The following COP1 variants were observed in gnomAD, a reference collection of about 807,000 sequenced individuals.
COP1 encodes the protein E3 ubiquitin-protein ligase COP1.
Under a neutral mutation model 101.3 loss-of-function variants are expected in COP1, and 24 were observed. The observed-to-expected ratio is 0.24, with a 90% CI of 0.17 to 0.33. COP1 has a LOEUF of 0.33. Among genes scored for constraint, COP1 ranks in the 10% least tolerant of loss-of-function variants. The probability of loss-of-function intolerance (pLI) is 1.00; values close to 1 mark genes in which losing one functional copy is unlikely to be tolerated. For missense variants in COP1, 663 were observed against 906.2 expected, an observed-to-expected ratio of 0.73 and a Z score of 3.45; for synonymous variants, 347 against 341.9, an observed-to-expected ratio of 1.01 and a Z score of -0.17.
chr1:175,953,764 TAAAAA>T (rs58137281), intron 18 of COP1, among the ~76,000 whole-genome samples: 12 of 125,136 alleles, frequency 9.6e-5, no homozygotes, highest in Admixed American at 1.6e-4. Flanking sequence ...GGTCAACTTA[TAAAAA>T]AAAAAAAAAA....
In COP1 at chr1:176,040,613, G is replaced by T. The variant is rs373324066; in HGVS notation, c.1612+2573C>A. Among the ~76,000 whole-genome samples the T allele has an allele frequency of 1.9e-3, 286 of 152,194 alleles. 1 individual carries two copies. Among genetic ancestry groups the T allele is most frequent in the Middle Eastern group, 0.017 (5 of 294 alleles). On this transcript the variant is annotated intron_variant, in intron 14 of 19. Coordinates refer to ENST00000367669, the MANE Select transcript of COP1 (RefSeq NM_022457.7). ...GTGTGAGTCACCATGCCTGGCTGAC[G>T]AGTTCTTAAATCAAGGAAAAAAGGT...
intron 18 of COP1, among the ~76,000 whole-genome samples, chr1:175,961,260 T>A (rs1181801382): frequency 6.6e-6 from 1 of 152,224 alleles, no homozygotes; most frequent in African/African-American, 2.4e-5. Flanking sequence ...CTATTACTTC[T>A]GTCCCTTTGG....
chr1:176,173,766 T>C (rs906310514), intron 3 of COP1, among the ~76,000 whole-genome samples: 1 of 151,436 alleles, frequency 6.6e-6, no homozygotes, highest in Non-Finnish European at 1.5e-5. Flanking sequence ...GGCGGGAGGA[T>C]CGCTTGAGTC....
intron 15 of COP1, among the ~76,000 whole-genome samples, chr1:176,026,260 G>A (rs909221219): frequency 1.3e-5 from 2 of 151,942 alleles, no homozygotes; most frequent in Non-Finnish European, 2.9e-5. Flanking sequence ...ATCCATAAAT[G>A]ATGGCCAGTA....
chr1:176,126,017 G>A (rs902435849), intron 8 of COP1, among the ~76,000 whole-genome samples: 14 of 151,960 alleles, frequency 9.2e-5, no homozygotes, highest in Middle Eastern at 6.8e-3. Flanking sequence ...TTTTCACATC[G>A]TTCACTGCTG....
At chr1:176,006,324 C>A (rs539473161) in intron 15 of COP1, among the ~76,000 whole-genome samples, 6 of 152,224 alleles carry the variant, frequency 3.9e-5, no homozygotes, top group Admixed American at 2.0e-4. Flanking sequence ...TGTGTCTTTT[C>A]ATTGGAGCAT....
At chr1:176,156,351 C>A (rs1693447409) in intron 5 of COP1, among the ~76,000 whole-genome samples, 1 of 151,618 alleles carries the variant, frequency 6.6e-6, no homozygotes, top group South Asian at 2.1e-4. Flanking sequence ...CCAATGATGT[C>A]TAAAGGAGGC....
intron 8 of COP1, among the ~76,000 whole-genome samples, chr1:176,124,425 C>CT (rs1687689178): frequency 7.4e-6 from 1 of 135,970 alleles, no homozygotes; most frequent in Non-Finnish European, 1.6e-5. Context: ...CAGCCCCGTA[C>CT]TACCCCTTTC....
chr1:175,985,930 T>G (rs1055821486), intron 18 of COP1, among the ~76,000 whole-genome samples: 2 of 152,112 alleles, frequency 1.3e-5, no homozygotes, highest in African/African-American at 4.8e-5. Context: ...AAGTCAGAAT[T>G]TTTTTTGTCA....
intron 11 of COP1, 126 bp downstream of exon 11, chr1:176,081,026 A>G (rs1679034307): frequency 1.2e-5 from 10 of 827,860 alleles, no homozygotes; most frequent in Non-Finnish European, 1.9e-5. Flanking sequence ...CTAAAATCAC[A>G]GAACTAATAA....
At chr1:175,983,383 C>G (rs769162430) in intron 18 of COP1, among the ~76,000 whole-genome samples, 2 of 152,202 alleles carry the variant, frequency 1.3e-5, no homozygotes, top group Non-Finnish European at 2.9e-5. Context: ...ATTCCCTGTA[C>G]AAGTTTTCTT....
intron 8 of COP1, among the ~76,000 whole-genome samples, chr1:176,123,256 T>C (rs1687442520): frequency 6.6e-6 from 1 of 152,088 alleles, no homozygotes; most frequent in South Asian, 2.1e-4. Flanking sequence ...GGTTCAGGGA[T>C]GTGGTGAATG....
chr1:176,147,961 G>A (rs967871742), intron 6 of COP1, among the ~76,000 whole-genome samples: 3 of 151,916 alleles, frequency 2.0e-5, no homozygotes, highest in Non-Finnish European at 4.4e-5. Flanking sequence ...GTGCAGTGGC[G>A]CGATCTCGGC....
At chr1:176,058,203 C>T (rs1338254263) in intron 11 of COP1, among the ~76,000 whole-genome samples, 1 of 150,622 alleles carries the variant, frequency 6.6e-6, no homozygotes, top group Non-Finnish European at 1.5e-5. Context: ...TCAGCCCCTG[C>T]CCAGCCGCCC....
At chr1:176,066,125 T>C (rs146520274) in intron 11 of COP1, among the ~76,000 whole-genome samples, 3 of 152,288 alleles carry the variant, frequency 2.0e-5, no homozygotes, top group African/African-American at 7.2e-5. Flanking sequence ...AGTTTCCCCA[T>C]ATATGTGTTG....
intron 15 of COP1, among the ~76,000 whole-genome samples, chr1:176,013,210 C>T (rs909605001): frequency 2.0e-5 from 3 of 151,568 alleles, no homozygotes; most frequent in Admixed American, 2.0e-4. Flanking sequence ...GTTTTTGATC[C>T]AAGGTTGGCT....
intron 18 of COP1, among the ~76,000 whole-genome samples, chr1:175,980,256 T>TATTTTTAATA: frequency 8.2e-6 from 1 of 121,806 alleles, no homozygotes. Context: ...TTTTGAGGAG[T>TATTTTTAATA]CTGGAGGTTA....
rs1239138785 is a variant in COP1 at position 175,947,242 on chromosome 1, A to G, written c.2134-3T>C. ...GCAGCAATCAGCACATTGGACTCCT[A>G]GAAAAGAACAAGAGCTTTTAAAGTA... is the stretch of plus-strand genomic sequence containing the variant. On this transcript the variant is annotated splice_polypyrimidine_tract_variant and splice_region_variant and intron_variant, in intron 18 of 19. Coordinates refer to ENST00000367669, the MANE Select transcript of COP1 (RefSeq NM_022457.7). 1 of 1,603,958 alleles carries G rather than the reference A, an allele frequency of 6.2e-7. No homozygotes were observed. Among genetic ancestry groups the G allele is most frequent in the Non-Finnish European group, 8.5e-7 (1 of 1,170,892 alleles).
intron 8 of COP1, among the ~76,000 whole-genome samples, chr1:176,128,862 C>T (rs1688460407): frequency 6.6e-6 from 1 of 151,820 alleles, no homozygotes; most frequent in Non-Finnish European, 1.5e-5. Flanking sequence ...TAACATGAAG[C>T]AGCAGACATT....
Sources: allele counts gnomAD v4.1 joint callset (sites outside exome capture counted in the v4.1 genomes callset), GRCh38; gene constraint gnomAD v4.1.1; transcripts MANE v1.5; gene names NCBI Gene and HGNC (gene_info 2026-07-23, HGNC 2026-07-21).